INPP4A: variants seen among roughly 807,000 people sequenced by gnomAD.
INPP4A encodes the protein inositol polyphosphate-4-phosphatase, type I, 107kD.
A neutral mutation model predicts 119.8 loss-of-function variants in INPP4A; 33 were observed. The observed-to-expected ratio is 0.28, with a 90% confidence interval of 0.21 to 0.37. INPP4A has a LOEUF of 0.37. Ranked by LOEUF, INPP4A falls within the 10% of genes least tolerant of loss-of-function variation. The pLI is 1.00. For missense variants in INPP4A, 956 were observed against 1,289.9 expected (o/e 0.74, Z 3.97); for synonymous variants, 496 against 500.7 (o/e 0.99, Z 0.12).
intron 4 of INPP4A, among the ~76,000 whole-genome samples, chr2:98,532,681 A>T (rs1331893991): frequency 2.0e-5 from 3 of 152,160 alleles, no homozygotes; most frequent in Admixed American, 2.0e-4. Context: ...CAATTGTAAC[A>T]CAATGGTAAG....
At chr2:98,538,021 TTAATCAGTAAAAA>T in intron 8 of INPP4A, 47 bp downstream of exon 8, 1 of 1,291,752 alleles carries the variant, frequency 7.7e-7, no homozygotes, top group East Asian at 2.5e-5. Flanking sequence ...AGCAAGGGAA[TTAATCAGTAAAAA>T]TGCAGCCCTC....
intron 1 of INPP4A, among the ~76,000 whole-genome samples, chr2:98,494,624 T>TAA (rs796986081): frequency 3.7e-5 from 5 of 134,358 alleles, no homozygotes; most frequent in Admixed American, 7.3e-5. Context: ...AAGGGTGTTC[T>TAA]AAAAAAAAAA....
intron 24 of INPP4A, among the ~76,000 whole-genome samples, chr2:98,586,622 G>C (rs1388628031): frequency 6.6e-6 from 1 of 152,200 alleles, no homozygotes; most frequent in Non-Finnish European, 1.5e-5. Flanking sequence ...GAGTAGGTGA[G>C]GCCCCCTGGC....
intron 17 of INPP4A, among the ~76,000 whole-genome samples, chr2:98,560,890 C>G (rs978496754): frequency 6.6e-6 from 1 of 152,188 alleles, no homozygotes; most frequent in African/African-American, 2.4e-5. Flanking sequence ...CATGGGTCCC[C>G]GGGCAGCACA....
intron 16 of INPP4A, among the ~76,000 whole-genome samples, chr2:98,557,505 C>T (rs1056045231): frequency 1.3e-5 from 2 of 152,198 alleles, no homozygotes; most frequent in Non-Finnish European, 2.9e-5. Flanking sequence ...TCTGTCATGA[C>T]TTTTTATACC....
chr2:98,477,511 C>T (rs1163542201), intron 1 of INPP4A, among the ~76,000 whole-genome samples: 1 of 152,250 alleles, frequency 6.6e-6, no homozygotes, highest in South Asian at 2.1e-4. Context: ...AGCCTAACAA[C>T]AGAGGATGAA....
intron 1 of INPP4A, among the ~76,000 whole-genome samples, chr2:98,476,456 C>A (rs1016262491): frequency 2.0e-5 from 3 of 152,232 alleles, no homozygotes; most frequent in Non-Finnish European, 4.4e-5. Context: ...GGGTGGGCCC[C>A]TCGCTCTGGG....
chr2:98,484,735 C>T (rs566404125), intron 1 of INPP4A, among the ~76,000 whole-genome samples: 18 of 152,276 alleles, frequency 1.2e-4, no homozygotes, highest in African/African-American at 4.1e-4. Flanking sequence ...TCCCACTCCG[C>T]GTGAGTGCTT....
Position 98,500,113 on chromosome 2 carries a change from G to A in INPP4A, c.-165-18851G>A, listed in dbSNP as rs546590960. ...CTACCTTTTTAAGGTAGTTTTGCCC[G>A]TGTATCTCATTTGACCCTTAGTAAG... On this transcript the variant is annotated intron_variant, in intron 1 of 24. Coordinates refer to ENST00000409851, the MANE Select transcript of INPP4A (RefSeq NM_001134225.2). Among the ~76,000 whole-genome samples the A allele has an allele frequency of 4.1e-4, 63 of 152,264 alleles. 1 individual carries two copies. The South Asian group carries it at 0.012, about 30-fold the overall frequency.
intron 1 of INPP4A, among the ~76,000 whole-genome samples, chr2:98,447,872 C>T (rs1022396887): frequency 6.6e-6 from 1 of 151,822 alleles, no homozygotes; most frequent in Admixed American, 6.6e-5. Context: ...ACGGTGAAAC[C>T]CTATCTCTAC....
At chr2:98,502,615 T>A (rs1683329139) in intron 1 of INPP4A, among the ~76,000 whole-genome samples, 1 of 152,174 alleles carries the variant, frequency 6.6e-6, no homozygotes. Flanking sequence ...AAAGAGATAA[T>A]GGTGAAAGTA....
chr2:98,581,218 G>C (rs1699254143), intron 24 of INPP4A, among the ~76,000 whole-genome samples: 1 of 152,184 alleles, frequency 6.6e-6, no homozygotes, highest in South Asian at 2.1e-4. Context: ...GGCATGGCCG[G>C]GCAGCATGGA....
At chr2:98,498,520 A>C (rs1307914668) in intron 1 of INPP4A, among the ~76,000 whole-genome samples, 1 of 151,842 alleles carries the variant, frequency 6.6e-6, no homozygotes, top group Non-Finnish European at 1.5e-5. Context: ...ATCCTCTGCA[A>C]GCAGAAGCAG....
rs1700485149 is a variant in INPP4A at position 98,593,409 on chromosome 2, CCTCA to C, written c.*5805_*5808del. The C allele has an allele frequency of 6.6e-6, 1 of 152,334 alleles. No individual in the cohort carries two copies. The highest frequency in any genetic ancestry group is 2.4e-5 in the African/African-American group (1 of 41,432). 9.4% of individuals were successfully genotyped at this position (152,334 alleles called of 1,614,324 possible). On this transcript the variant is annotated 3_prime_UTR_variant, in exon 25 of 25. Coordinates refer to ENST00000409851, the MANE Select transcript of INPP4A (RefSeq NM_001134225.2). ...TGGTCCTACGTCTCTGACCATCCCT[CCTCA>C]CTCTCAAATTTTATGTTGCCCACCA...
At chr2:98,517,905 C>T (rs1686448947) in intron 1 of INPP4A, among the ~76,000 whole-genome samples, 2 of 152,142 alleles carry the variant, frequency 1.3e-5, no homozygotes, top group Non-Finnish European at 2.9e-5. Flanking sequence ...AGACAGCTTC[C>T]CCCAGGTCCT....
intron 1 of INPP4A, among the ~76,000 whole-genome samples, chr2:98,487,919 C>A (rs775972523): frequency 2.0e-5 from 3 of 152,192 alleles, no homozygotes; most frequent in Non-Finnish European, 4.4e-5. Flanking sequence ...AGCAGCTGGA[C>A]TTGCGGAGAA....
intron 1 of INPP4A, among the ~76,000 whole-genome samples, chr2:98,445,968 T>C (rs1200812010): frequency 1.3e-5 from 2 of 152,220 alleles, no homozygotes; most frequent in Non-Finnish European, 2.9e-5. Context: ...TCAGGGCATT[T>C]AAACCAAGGG....
rs1260769605 is a variant in INPP4A, at chr2:98,539,385, G to A, written c.671-143G>A. On this transcript the variant is annotated intron_variant, in intron 9 of 24. Coordinates refer to ENST00000409851, the MANE Select transcript of INPP4A (RefSeq NM_001134225.2). ...AGACCTAGCCACTTGGTGGGTTTTC[G>A]GTGTAAGCGTTTTAATTCCCATGAG... is the stretch of plus-strand genomic sequence containing the variant. 8.1e-6 allele frequency: 7 copies of A among 866,418 alleles called. 1 individual carries two copies. The highest frequency in any genetic ancestry group is 3.9e-5 in the South Asian group (2 of 51,474). 53.7% of individuals were successfully genotyped at this position (866,418 alleles called of 1,614,324 possible).
At position 98,589,859 on chromosome 2, in the gene INPP4A, C is replaced by T; in HGVS notation, c.*2251C>T. The T allele has an allele frequency of 5.2e-6, 1 of 193,874 alleles. No individual in the cohort carries two copies. The highest frequency in any genetic ancestry group is 8.1e-5 in the East Asian group (1 of 12,370). 12.0% of individuals were successfully genotyped at this position (193,874 alleles called of 1,614,324 possible). A position where few individuals can be genotyped will look rare whatever the true frequency, so the allele number is the denominator to read the frequency against. On this transcript the variant is annotated 3_prime_UTR_variant, in exon 25 of 25. Coordinates refer to ENST00000409851, the MANE Select transcript of INPP4A (RefSeq NM_001134225.2). Reference sequence around the variant, plus strand: ...CTCCCCATTTAAAAAGAAAAGAGATCTATGGAAAACTGGGAATGTAATGTG... The same window carrying T: ...CTCCCCATTTAAAAAGAAAAGAGATTTATGGAAAACTGGGAATGTAATGTG...
Sources: allele counts gnomAD v4.1 joint callset (sites outside exome capture counted in the v4.1 genomes callset), GRCh38; gene constraint gnomAD v4.1.1; transcripts MANE v1.5; gene names NCBI Gene and HGNC (gene_info 2026-07-23, HGNC 2026-07-21).